SGCE: variants seen among roughly 807,000 people sequenced by gnomAD.
The protein encoded by SGCE is sarcoglycan epsilon, also known as epsilon-sarcoglycan.
In SGCE, 26 loss-of-function variants were observed where a neutral mutation model predicts 57.8. The observed-to-expected ratio is 0.45, with a 90% CI of 0.33 to 0.62. SGCE has a LOEUF of 0.62. Ranked by LOEUF, SGCE falls within the 20% of genes least tolerant of loss-of-function variation. The pLI is 0.02. For missense variants in SGCE, 468 were observed against 548.6 expected (o/e 0.85, Z 1.47); for synonymous variants, 183 against 189.5 (o/e 0.97, Z 0.28).
chr7:94,594,059 C>CT (rs1326991955), intron 9 of SGCE, among the ~76,000 whole-genome samples: 1 of 152,052 alleles, frequency 6.6e-6, no homozygotes, highest in Non-Finnish European at 1.5e-5. Flanking sequence ...AGGCTAGACT[C>CT]TCTCTTGACG....
intron 1 of SGCE, among the ~76,000 whole-genome samples, chr7:94,643,261 T>C (rs1051963217): frequency 3.7e-4 from 57 of 152,218 alleles, no homozygotes; most frequent in African/African-American, 1.3e-3. Context: ...CAGCATAAGA[T>C]TTAACACCAC....
Position 94,621,285 on chromosome 7 carries a change from G to A in SGCE, c.463+2040C>T, listed in dbSNP as rs541831135. 2.0e-5 allele frequency: 3 copies of A among 152,318 alleles called. No homozygotes were observed. In the South Asian group the frequency reaches 6.2e-4, roughly 32 times the overall value. 9.4% of individuals were successfully genotyped at this position (152,318 alleles called of 1,614,324 possible). ...GACTTTAGTGCAGTGGTTCAAATAG[G>A]TTTGGGCCACTAACCCTACACAAAA... On this transcript the variant is annotated intron_variant, in intron 4 of 10. Coordinates refer to ENST00000648936, the MANE Select transcript of SGCE (RefSeq NM_003919.3).
intron 9 of SGCE, among the ~76,000 whole-genome samples, chr7:94,590,326 CAACCCACAAA>C (rs1355685945): frequency 2.0e-5 from 3 of 152,098 alleles, no homozygotes; most frequent in Non-Finnish European, 4.4e-5. Context: ...ACTCTCTAAG[CAACCCACAAA>C]TTAGGTTACC....
In SGCE at chr7:94,603,465, G is replaced by A; in HGVS notation, c.663-13C>T. 2 of 1,611,304 alleles carry A rather than the reference G, an allele frequency of 1.2e-6. No homozygotes were observed. Among genetic ancestry groups the A allele is most frequent in the Non-Finnish European group, 1.7e-6 (2 of 1,177,974 alleles). ...CATGACATAAACGCTGTAAAAATGT[G>A]AAACTCTCAGGTTATCCTTTAAGAA... On this transcript the variant is annotated splice_polypyrimidine_tract_variant and intron_variant, in intron 5 of 10. Transcript: ENST00000648936.
intron 1 of SGCE, chr7:94,639,591 G>C (rs1806090934): frequency 1.7e-6 from 1 of 605,780 alleles, no homozygotes; most frequent in Non-Finnish European, 2.9e-6. Flanking sequence ...GCAAATATTT[G>C]TTGTATGTCA....
At chr7:94,633,343 G>A (rs1805025138) in intron 1 of SGCE, among the ~76,000 whole-genome samples, 1 of 152,086 alleles carries the variant, frequency 6.6e-6, no homozygotes, top group South Asian at 2.1e-4. Flanking sequence ...AAAAACTTCT[G>A]AAGACAGGTA....
chr7:94,631,298 C>CTTT (rs570209453), intron 1 of SGCE, among the ~76,000 whole-genome samples: 1 of 146,316 alleles, frequency 6.8e-6, no homozygotes, highest in African/African-American at 2.5e-5. Flanking sequence ...GAATTTTATA[C>CTTT]TTTTTTTTTT....
intron 8 of SGCE, 193 bp from the exon 9 acceptor site, chr7:94,599,156 T>C (rs1798847740): frequency 1.8e-6 from 1 of 544,394 alleles, no homozygotes; most frequent in Admixed American, 3.3e-5. Flanking sequence ...CTGAAAATTA[T>C]AAACTGATTT....
chr7:94,611,855 C>A (rs1349601131), intron 5 of SGCE, among the ~76,000 whole-genome samples: 1 of 152,074 alleles, frequency 6.6e-6, no homozygotes, highest in Non-Finnish European at 1.5e-5. Flanking sequence ...GAAAGATTAT[C>A]TTTTAAAAAA....
intron 4 of SGCE, 171 bp from the exon 5 acceptor site, chr7:94,619,127 T>C: frequency 3.2e-6 from 2 of 616,906 alleles, no homozygotes; most frequent in Non-Finnish European, 5.8e-6. Context: ...TCTAAAAACA[T>C]AACTGACATT....
Position 94,599,065 on chromosome 7 carries a change from A to G in SGCE, c.1065-102T>C, listed in dbSNP as rs1463007429. 4 of 846,704 alleles carry G rather than the reference A, an allele frequency of 4.7e-6. No homozygotes were observed. In the Admixed American group the frequency reaches 7.3e-5, roughly 16 times the overall value. 52.4% of individuals were successfully genotyped at this position (846,704 alleles called of 1,614,324 possible). ...ATGAAGTATTTTTATCTTTTAAAAT[A>G]ATAAGACATTATGGCACTTTGGGCA... On this transcript the variant is annotated intron_variant, in intron 8 of 10. Coordinates refer to ENST00000648936, the MANE Select transcript of SGCE (RefSeq NM_003919.3).
intron 1 of SGCE, among the ~76,000 whole-genome samples, chr7:94,646,013 C>A (rs1298084381): frequency 6.6e-6 from 1 of 152,070 alleles, no homozygotes; most frequent in African/African-American, 2.4e-5. Context: ...ATAGTAGAGT[C>A]AACTGTAGAG....
chr7:94,655,767 G>A (rs1240448942), intron 1 of SGCE, among the ~76,000 whole-genome samples: 3 of 63,046 alleles, frequency 4.8e-5, no homozygotes, highest in African/African-American at 1.2e-4. Context: ...GCCCGCGGGG[G>A]CGCGGAGAGG....
At chr7:94,590,029 G>A (rs1562784304) in intron 9 of SGCE, 1 of 151,956 alleles carries the variant, frequency 6.6e-6, no homozygotes, top group African/African-American at 2.4e-5. Context: ...ATATTTCCTT[G>A]TATCTATCTG....
chr7:94,620,841 A>C (rs570716513), intron 4 of SGCE: 1 of 152,302 alleles, frequency 6.6e-6, no homozygotes, highest in East Asian at 1.9e-4. Context: ...GCTGCCTGCT[A>C]TCTACCCATC....
intron 9 of SGCE, among the ~76,000 whole-genome samples, chr7:94,596,845 A>G (rs990358340): frequency 1.8e-4 from 27 of 152,026 alleles, no homozygotes; most frequent in Admixed American, 1.6e-3. Context: ...TTTTTGAAGG[A>G]TATCTGTCAA....
At chr7:94,600,607 C>G in intron 7 of SGCE, 39 bp downstream of exon 7, 1 of 1,424,478 alleles carries the variant, frequency 7.0e-7, no homozygotes, top group Non-Finnish European at 9.9e-7. Context: ...GTTATCTTAG[C>G]AGGATCTCTA....
At chr7:94,586,855 A>T (rs1796976769) in intron 10 of SGCE, 1 of 985,186 alleles carries the variant, frequency 1.0e-6, no homozygotes, top group Non-Finnish European at 1.2e-6. Flanking sequence ...TTGCATAATT[A>T]TAAAAAAAAA....
chr7:94,618,003 A>T (rs1048011404), intron 5 of SGCE: 3 of 152,234 alleles, frequency 2.0e-5, no homozygotes, highest in Non-Finnish European at 4.4e-5. Flanking sequence ...TGAGGTAGGA[A>T]AAGCAAATCT....
Sources: allele counts gnomAD v4.1 joint callset (sites outside exome capture counted in the v4.1 genomes callset), GRCh38; gene constraint gnomAD v4.1.1; transcripts MANE v1.5; gene names NCBI Gene and HGNC (gene_info 2026-07-23, HGNC 2026-07-21).